Variants in TNNI3K observed in about 807,000 individuals in gnomAD.
TNNI3K encodes the protein TNNI3 interacting kinase.
In TNNI3K, 140 loss-of-function variants were observed where a neutral mutation model predicts 114.5. The ratio of observed to expected loss-of-function variants is 1.22; its 90% CI spans 1.07 to 1.41. The LOEUF (loss-of-function observed/expected upper bound fraction) is 1.41, where lower values mean the gene tolerates loss of function less well. TNNI3K is among the 40% of genes most tolerant of loss of function. The probability of loss-of-function intolerance (pLI) is 0.00; values close to 1 mark genes in which losing one functional copy is unlikely to be tolerated. For synonymous variants in TNNI3K, 347 were observed against 347.5 expected, an observed-to-expected ratio of 1.00 and a Z score of 0.02; for missense variants, 1,125 against 1,007.6, an observed-to-expected ratio of 1.12 and a Z score of -1.58.
intron 23 of TNNI3K, among the ~76,000 whole-genome samples, chr1:74,509,749 T>C (rs963670120): frequency 1.3e-4 from 1 of 7,556 alleles, no homozygotes; most frequent in African/African-American, 6.5e-4. Flanking sequence ...CTGAATTTCT[T>C]TTTTTTTTTT....
intron 17 of TNNI3K, among the ~76,000 whole-genome samples, chr1:74,421,176 C>G (rs930870430): frequency 6.6e-6 from 1 of 152,128 alleles, no homozygotes; most frequent in Non-Finnish European, 1.5e-5. Flanking sequence ...TGATATTTGA[C>G]AAGCCCCAGA....
At chr1:74,425,104 G>A (rs1665572042) in intron 17 of TNNI3K, among the ~76,000 whole-genome samples, 2 of 152,090 alleles carry the variant, frequency 1.3e-5, no homozygotes, top group Non-Finnish European at 2.9e-5. Flanking sequence ...TGGTCAGGAA[G>A]GGCATAAGGC....
intron 21 of TNNI3K, among the ~76,000 whole-genome samples, chr1:74,476,607 T>C (rs1040702578): frequency 5.9e-5 from 9 of 152,136 alleles, no homozygotes; most frequent in African/African-American, 2.2e-4. Context: ...GGATTCTGTT[T>C]ATGAATTCTG....
intron 23 of TNNI3K, among the ~76,000 whole-genome samples, chr1:74,504,602 A>G (rs898333902): frequency 5.9e-5 from 9 of 152,206 alleles, no homozygotes; most frequent in African/African-American, 2.2e-4. Flanking sequence ...AAGTCAAGAT[A>G]TGAGAAGAGC....
At chr1:74,252,223 CTG>C (rs1466232309) in intron 4 of TNNI3K, among the ~76,000 whole-genome samples, 1 of 152,100 alleles carries the variant, frequency 6.6e-6, no homozygotes, top group African/African-American at 2.4e-5. Context: ...TCTTCAACCT[CTG>C]TTTATAATAA....
intron 5 of TNNI3K, among the ~76,000 whole-genome samples, chr1:74,312,683 T>C (rs1244583145): frequency 6.6e-6 from 1 of 152,212 alleles, no homozygotes; most frequent in East Asian, 1.9e-4. Context: ...AAGTTAAGCC[T>C]TATCAATGAT....
At chr1:74,235,587 A>T in intron 1 of TNNI3K, 96 bp downstream of exon 1, 1 of 673,706 alleles carries the variant, frequency 1.5e-6, no homozygotes, top group Non-Finnish European at 2.5e-6. Context: ...GTTAATTTGT[A>T]TACGGAAGAT....
At chr1:74,487,880 G>A (rs983463845) in intron 21 of TNNI3K, among the ~76,000 whole-genome samples, 2 of 152,132 alleles carry the variant, frequency 1.3e-5, no homozygotes, top group Non-Finnish European at 2.9e-5. Context: ...TAGAGAGAAA[G>A]GGACAGCTCA....
intron 5 of TNNI3K, among the ~76,000 whole-genome samples, chr1:74,280,396 A>G (rs985238833): frequency 6.6e-6 from 1 of 151,890 alleles, no homozygotes; most frequent in Non-Finnish European, 1.5e-5. Context: ...AAAAAATAAA[A>G]TAAAATAAAA....
At chr1:74,357,873 G>T (rs1446771821) in intron 11 of TNNI3K, among the ~76,000 whole-genome samples, 1 of 151,968 alleles carries the variant, frequency 6.6e-6, no homozygotes, top group Non-Finnish European at 1.5e-5. Flanking sequence ...TGGTACAAAG[G>T]ACCAGCATGA....
chr1:74,465,599 A>C (rs931369915), intron 21 of TNNI3K, among the ~76,000 whole-genome samples: 1 of 151,988 alleles, frequency 6.6e-6, no homozygotes, highest in Non-Finnish European at 1.5e-5. Context: ...CCCCTGCTTC[A>C]CGGCACCGGG....
chr1:74,496,730 G>A (rs1669345580), intron 23 of TNNI3K, among the ~76,000 whole-genome samples: 1 of 152,084 alleles, frequency 6.6e-6, no homozygotes, highest in Non-Finnish European at 1.5e-5. Flanking sequence ...ATCTGAGATT[G>A]AGAAAGGCAC....
At chr1:74,360,813 C>T (rs371911745) in intron 11 of TNNI3K, among the ~76,000 whole-genome samples, 1 of 152,026 alleles carries the variant, frequency 6.6e-6, no homozygotes, top group Non-Finnish European at 1.5e-5. Context: ...TTGTTATGTG[C>T]ACATCTCTTT....
chr1:74,497,142 T>G (rs1351753061), intron 23 of TNNI3K, among the ~76,000 whole-genome samples: 1 of 152,168 alleles, frequency 6.6e-6, no homozygotes, highest in African/African-American at 2.4e-5. Flanking sequence ...AAAATTTTAA[T>G]TTACTCAAAG....
chr1:74,450,221 C>T (rs1224364534), intron 20 of TNNI3K, among the ~76,000 whole-genome samples: 11 of 151,512 alleles, frequency 7.3e-5, no homozygotes, highest in Middle Eastern at 3.4e-3. Context: ...AACAAAGACA[C>T]GACATACCAG....
At chr1:74,339,128 A>C (rs1239660546) in intron 7 of TNNI3K, among the ~76,000 whole-genome samples, 3 of 152,118 alleles carry the variant, frequency 2.0e-5, no homozygotes, top group African/African-American at 7.2e-5. Context: ...TATGATCAGC[A>C]TGTCTCTTTC....
chr1:74,408,690 A>G (rs1214564991), intron 17 of TNNI3K, among the ~76,000 whole-genome samples: 1 of 152,234 alleles, frequency 6.6e-6, no homozygotes, highest in Non-Finnish European at 1.5e-5. Flanking sequence ...TCATAGGCCT[A>G]GAAAGTTAAA....
chr1:74,353,459 C>T, intron 10 of TNNI3K, 99 bp downstream of exon 10: 1 of 1,276,376 alleles, frequency 7.8e-7, no homozygotes, highest in Non-Finnish European at 1.1e-6. Flanking sequence ...GTGCTCAACT[C>T]CAGTGGGAAA....
chr1:74,363,417 A>T (rs1325994320), intron 11 of TNNI3K, among the ~76,000 whole-genome samples: 1 of 152,050 alleles, frequency 6.6e-6, no homozygotes, highest in East Asian at 1.9e-4. Flanking sequence ...GCCAGAACCC[A>T]GGCACTCATT....
Sources: gnomAD v4.1 joint callset for allele counts (sites outside exome capture counted in the v4.1 genomes callset) on GRCh38, gnomAD v4.1.1 for gene constraint, MANE v1.5 for transcripts, NCBI Gene and HGNC (gene_info 2026-07-23, HGNC 2026-07-21) for gene names.